Variants in PRELID2 observed in about 807,000 individuals in gnomAD.
PRELID2 encodes the protein PRELI domain containing 2, also known as PRELI domain-containing protein 2.
In PRELID2, 25 loss-of-function variants were observed where a neutral mutation model predicts 28.4. The ratio of observed to expected loss-of-function variants is 0.88; its 90% CI spans 0.64 to 1.23. The LOEUF is 1.23. Ranked by LOEUF, PRELID2 falls within the 50% of genes most tolerant of loss-of-function variation. The pLI is 0.00. For synonymous variants in PRELID2, 76 were observed against 71.6 expected (o/e 1.06, Z -0.31); for missense variants, 201 against 214.4 (o/e 0.94, Z 0.39).
intron 1 of PRELID2, among the ~76,000 whole-genome samples, chr5:145,543,734 T>C (rs2126674456): frequency 6.6e-6 from 1 of 152,190 alleles, no homozygotes; most frequent in Non-Finnish European, 1.5e-5. Context: ...TGGCATTTTT[T>C]TCCCCCTCCA....
the PRELID2 span, among the ~76,000 whole-genome samples, chr5:145,412,769 T>C: frequency 6.6e-6 from 1 of 152,194 alleles, no homozygotes; most frequent in African/African-American, 2.4e-5. Flanking sequence ...GAGACTCAGT[T>C]ATTTATAAAG....
the PRELID2 span, among the ~76,000 whole-genome samples, chr5:145,365,118 T>C: frequency 6.6e-6 from 1 of 151,836 alleles, no homozygotes; most frequent in African/African-American, 2.4e-5. Flanking sequence ...TTCAAGTGAA[T>C]GGGGAAATGG....
At chr5:145,809,281 A>G (rs1416269962) in intron 4 of PRELID2, among the ~76,000 whole-genome samples, 1 of 152,170 alleles carries the variant, frequency 6.6e-6, no homozygotes, top group African/African-American at 2.4e-5. Context: ...GGCTCAAGCA[A>G]TCTGCCTGCC....
At chr5:145,677,155 T>G (rs1190735733) in intron 1 of PRELID2, among the ~76,000 whole-genome samples, 22 of 146,040 alleles carry the variant, frequency 1.5e-4, no homozygotes, top group Non-Finnish European at 3.0e-4. Context: ...GGTTTTGGTT[T>G]TTTTTTTTTT....
chr5:145,291,464 CA>C, the PRELID2 span, among the ~76,000 whole-genome samples: 1 of 151,244 alleles, frequency 6.6e-6, no homozygotes, highest in Non-Finnish European at 1.5e-5. Flanking sequence ...TAGAAAGAGG[CA>C]AGGAAAGGTG....
At chr5:145,432,403 T>A in the PRELID2 span, among the ~76,000 whole-genome samples, 1 of 147,826 alleles carries the variant, frequency 6.8e-6, no homozygotes, top group Admixed American at 6.8e-5. Context: ...AATGAAAAAC[T>A]TTACTTAGCA....
At chr5:145,529,638 C>T (rs1330242190) in intron 1 of PRELID2, among the ~76,000 whole-genome samples, 4 of 152,136 alleles carry the variant, frequency 2.6e-5, no homozygotes, top group African/African-American at 9.7e-5. Context: ...TAGGAAACAG[C>T]TGTGAACAAG....
chr5:145,506,090 A>G (rs1043065799), intron 1 of PRELID2, among the ~76,000 whole-genome samples: 3 of 152,166 alleles, frequency 2.0e-5, no homozygotes, highest in African/African-American at 7.2e-5. Context: ...AAAATTTAAG[A>G]GAGTAGATCT....
At chr5:145,699,222 C>A (rs1310914354) in intron 1 of PRELID2, among the ~76,000 whole-genome samples, 1 of 152,008 alleles carries the variant, frequency 6.6e-6, no homozygotes, top group Non-Finnish European at 1.5e-5. Context: ...TGAGATGGGA[C>A]CCAGAGATGG....
chr5:145,260,766 G>T, the PRELID2 span, among the ~76,000 whole-genome samples: 1 of 152,200 alleles, frequency 6.6e-6, no homozygotes, highest in East Asian at 1.9e-4. Flanking sequence ...ATGAACTTTT[G>T]CTCAAAGAAT....
the PRELID2 span, among the ~76,000 whole-genome samples, chr5:145,378,931 T>A: frequency 6.6e-6 from 1 of 152,192 alleles, no homozygotes; most frequent in Admixed American, 6.5e-5. Context: ...CTACCTTCAA[T>A]CTTTGAGAGG....
chr5:145,742,381 A>T (rs969211769), intron 1 of PRELID2, among the ~76,000 whole-genome samples: 2 of 144,350 alleles, frequency 1.4e-5, no homozygotes, highest in African/African-American at 5.0e-5. Flanking sequence ...AACAAATTTA[A>T]AGACTTGAAA....
At chr5:145,751,528 G>T (rs1757123680), downstream of PRELID2, among the ~76,000 whole-genome samples, 1 of 152,164 alleles carries the variant, frequency 6.6e-6, no homozygotes, top group Non-Finnish European at 1.5e-5. Flanking sequence ...TGTGTGTTAG[G>T]CAGCATTCCA....
chr5:145,391,595 T>C, the PRELID2 span, among the ~76,000 whole-genome samples: 54 of 152,158 alleles, frequency 3.5e-4, no homozygotes, highest in Non-Finnish European at 7.4e-5. Flanking sequence ...GGAGATATTT[T>C]CCCCATTGTC....
chr5:145,640,391 G>C (rs1272830356), intron 1 of PRELID2, among the ~76,000 whole-genome samples: 2 of 151,348 alleles, frequency 1.3e-5, no homozygotes, highest in Non-Finnish European at 2.9e-5. Flanking sequence ...CAGGAGAATG[G>C]CGTGAACCCG....
intron 1 of PRELID2, among the ~76,000 whole-genome samples, chr5:145,651,855 A>T (rs891165426): frequency 6.6e-6 from 1 of 152,244 alleles, no homozygotes; most frequent in African/African-American, 2.4e-5. Flanking sequence ...GCCTCTCCCC[A>T]TCCAAAGGAA....
chr5:145,608,796 G>C (rs1386640049), intron 1 of PRELID2, among the ~76,000 whole-genome samples: 1 of 152,172 alleles, frequency 6.6e-6, no homozygotes, highest in East Asian at 1.9e-4. Flanking sequence ...CTCTGGTGAG[G>C]TTAGGGAAGT....
At chr5:145,371,910 G>T in the PRELID2 span, among the ~76,000 whole-genome samples, 2 of 146,744 alleles carry the variant, frequency 1.4e-5, no homozygotes, top group African/African-American at 5.0e-5. Flanking sequence ...ACAGCTCCTG[G>T]ATTCATTGAT....
the PRELID2 span, among the ~76,000 whole-genome samples, chr5:145,317,509 C>T: frequency 0.053 from 8,132 of 152,138 alleles, 687 homozygotes; most frequent in African/African-American, 0.18. Flanking sequence ...TAACAAAGAG[C>T]GAGGGAGGAC....
Sources: gnomAD v4.1 joint callset for allele counts (sites outside exome capture counted in the v4.1 genomes callset) on GRCh38, gnomAD v4.1.1 for gene constraint, MANE v1.5 for transcripts, NCBI Gene and HGNC (gene_info 2026-07-23, HGNC 2026-07-21) for gene names.